The following CNTN2 variants were observed in gnomAD, a reference collection of about 807,000 sequenced individuals.
The protein encoded by CNTN2 is contactin-2.
In CNTN2, 53 loss-of-function variants were observed where a neutral mutation model predicts 117.5. The ratio of observed to expected loss-of-function variants is 0.45; its 90% CI spans 0.36 to 0.57. CNTN2 has a LOEUF of 0.57. CNTN2 is among the 20% of genes least tolerant of loss of function. CNTN2 has a pLI of 0.00. For missense variants in CNTN2, 1,106 were observed against 1,404.3 expected (o/e 0.79, Z 3.39); for synonymous variants, 530 against 561.7 (o/e 0.94, Z 0.80).
chr1:205,054,035 G>A (rs572395316), intron 2 of CNTN2, among the ~76,000 whole-genome samples: 3 of 152,326 alleles, frequency 2.0e-5, no homozygotes, highest in East Asian at 1.9e-4. Flanking sequence ...CAGAGGAGCC[G>A]GGCCGCTGGC....
intron 2 of CNTN2, among the ~76,000 whole-genome samples, chr1:205,055,842 A>C (rs2096460053): frequency 1.3e-5 from 2 of 152,208 alleles, no homozygotes; most frequent in South Asian, 2.1e-4. Context: ...GGTTATGAGA[A>C]GGAAATATGG....
Position 205,059,984 on chromosome 1 carries a change from A to G in CNTN2, c.797+302A>G, listed in dbSNP as rs189278982. On this transcript the variant is annotated intron_variant, in intron 7 of 22. Transcript: ENST00000331830. The surrounding 1 kb of genome is among the most constrained non-coding windows in gnomAD (Gnocchi z 5.6). ...CAGGCAGCACAGTGTACAGACTCCAACCCTGTCTGTCTCATTCAGATCCCA... is the reference window on the plus strand; with the variant it reads ...CAGGCAGCACAGTGTACAGACTCCAGCCCTGTCTGTCTCATTCAGATCCCA... The G allele has an allele frequency of 1.5e-4, 59 of 381,008 alleles. No individual in the cohort carries two copies. Among genetic ancestry groups the G allele is most frequent in the African/African-American group, 1.1e-3 (56 of 49,588 alleles). The allele number at this position is 381,008 out of a possible 1,614,324, so 23.6% of individuals were successfully genotyped here.
intron 2 of CNTN2, among the ~76,000 whole-genome samples, chr1:205,056,414 G>C (rs1300746017): frequency 6.6e-6 from 1 of 152,186 alleles, no homozygotes; most frequent in Non-Finnish European, 1.5e-5. Flanking sequence ...CTGAGGCCTG[G>C]GGCGGCAGTG....
chr1:205,054,282 G>A (rs1393216476), intron 2 of CNTN2, among the ~76,000 whole-genome samples: 1 of 152,184 alleles, frequency 6.6e-6, no homozygotes, highest in African/African-American at 2.4e-5. Context: ...TTTGTCTCAC[G>A]AGGGAGGGAC....
Position 205,064,611 on chromosome 1 carries a change from T to A in CNTN2, c.1392-12T>A, listed in dbSNP as rs575199834. On this transcript the variant is annotated splice_polypyrimidine_tract_variant and intron_variant, in intron 11 of 22. Transcript: ENST00000331830. Reference sequence around the variant, plus strand: ...GCCTGAGTTGGCCACATCTGCCTTGTCCTTGCCACAGAGTGACTGTAACTC... The same window carrying A: ...GCCTGAGTTGGCCACATCTGCCTTGACCTTGCCACAGAGTGACTGTAACTC... The A allele has an allele frequency of 7.4e-6, 12 of 1,613,842 alleles. No individual in the cohort carries two copies. The African/African-American group carries it at 1.5e-4, about 20-fold the overall frequency.
chr1:205,069,765 C>T, intron 17 of CNTN2, 62 bp from the exon 18 acceptor site: 1 of 1,553,548 alleles, frequency 6.4e-7, no homozygotes, highest in Non-Finnish European at 8.8e-7. Flanking sequence ...TTGGGTGGGG[C>T]CAGGGAACGG....
chr1:205,062,842 C>A (rs561880594), intron 10 of CNTN2: 62 of 240,400 alleles, frequency 2.6e-4, no homozygotes, highest in Non-Finnish European at 4.3e-4. Context: ...GAAACCAAAT[C>A]AATCAGATTT....
intron 2 of CNTN2, among the ~76,000 whole-genome samples, chr1:205,053,991 A>G (rs2096457073): frequency 2.0e-5 from 3 of 152,190 alleles, no homozygotes; most frequent in African/African-American, 7.2e-5. Flanking sequence ...GCCGAGAGCC[A>G]CAGGCCAGCT....
At position 205,061,524 on chromosome 1, in the gene CNTN2, G is replaced by A. The variant is rs1653982945; in HGVS notation, c.973+104G>A. On this transcript the variant is annotated intron_variant, in intron 8 of 22. Transcript: ENST00000331830. This position sits in a 1 kb window ranked among gnomAD's most constrained non-coding sequence, Gnocchi z 4.8. ...CAAAAGTCAGGGAGGAGACTGGGAG[G>A]CCCCCTGCATGAGCCTGCTTGCCCT... The A allele has an allele frequency of 3.0e-6, 4 of 1,339,224 alleles. No homozygotes were observed. Among genetic ancestry groups the A allele is most frequent in the East Asian group, 5.1e-5 (2 of 39,414 alleles). The allele number at this position is 1,339,224 out of a possible 1,614,324, so 83.0% of individuals were successfully genotyped here. A position where few individuals can be genotyped will look rare whatever the true frequency, so the allele number is the denominator to read the frequency against.
chr1:205,051,383 G>A (rs2096452639), intron 1 of CNTN2, among the ~76,000 whole-genome samples: 1 of 152,234 alleles, frequency 6.6e-6, no homozygotes, highest in African/African-American at 2.4e-5. Flanking sequence ...GGCCTTGCAG[G>A]AGAGACTGCC....
At chr1:205,054,882 G>C (rs900752653) in intron 2 of CNTN2, among the ~76,000 whole-genome samples, 3 of 152,162 alleles carry the variant, frequency 2.0e-5, no homozygotes, top group Non-Finnish European at 4.4e-5. Context: ...CAAGGTTTCT[G>C]ACGCCTGTGT....
intron 1 of CNTN2, among the ~76,000 whole-genome samples, chr1:205,050,031 G>T (rs2096449670): frequency 6.6e-6 from 1 of 152,044 alleles, no homozygotes; most frequent in Admixed American, 6.5e-5. Context: ...ACTCTGTAAA[G>T]TGCATGTTAC....
Position 205,053,106 on chromosome 1 carries a change from T to C in CNTN2, c.-80T>C. On this transcript the variant is annotated 5_prime_UTR_variant, in exon 2 of 23. Coordinates refer to ENST00000331830, the MANE Select transcript of CNTN2 (RefSeq NM_005076.5). ...TTTCTGTCTGCCTCCCCAGGTCCTTTCTCAGCCTCCAGCTGGGCTGTCCCC... is the reference window on the plus strand; with the variant it reads ...TTTCTGTCTGCCTCCCCAGGTCCTTCCTCAGCCTCCAGCTGGGCTGTCCCC... The C allele has an allele frequency of 1.8e-6, 2 of 1,137,474 alleles. No individual in the cohort carries two copies. Among genetic ancestry groups the C allele is most frequent in the East Asian group, 2.6e-5 (1 of 37,944 alleles). The allele number at this position is 1,137,474 out of a possible 1,614,324, so 70.5% of individuals were successfully genotyped here.
Position 205,073,303 on chromosome 1 carries a change from C to A in CNTN2, c.3013+67C>A. On this transcript the variant is annotated intron_variant, in intron 22 of 22. Coordinates refer to ENST00000331830, the MANE Select transcript of CNTN2 (RefSeq NM_005076.5). This position sits in a 1 kb window ranked among gnomAD's most constrained non-coding sequence, Gnocchi z 6.3. ...GATCCACCCAGATACCTGAGAGGAT[C>A]ATTCCCACCCAGGCCAACTCCAATC... The A allele has an allele frequency of 6.4e-7, 1 of 1,554,192 alleles. No individual in the cohort carries two copies. Among genetic ancestry groups the A allele is most frequent in the Non-Finnish European group, 8.8e-7 (1 of 1,139,586 alleles).
At chr1:205,053,030 A>C (rs1225205916) in intron 1 of CNTN2, 70 bp from the exon 2 acceptor site, 1 of 486,404 alleles carries the variant, frequency 2.1e-6, no homozygotes, top group Non-Finnish European at 3.7e-6. Context: ...AGCTTTACGG[A>C]CCCAGATGTG....
At position 205,069,808 on chromosome 1, in the gene CNTN2, C is replaced by G; in HGVS notation, c.2197-19C>G. The G allele has an allele frequency of 6.2e-7, 1 of 1,606,618 alleles. No homozygotes were observed. Among genetic ancestry groups the G allele is most frequent in the Non-Finnish European group, 8.5e-7 (1 of 1,173,922 alleles). ...CACATGCCGCGGACCCTCGCCCATG[C>G]CATGCTCTTGCCCCTCAGCCCATGT... On this transcript the variant is annotated intron_variant, in intron 17 of 22. Transcript: ENST00000331830.
In CNTN2 at chr1:205,076,532, T is replaced by C. The variant is rs1231437952; in HGVS notation, c.*2767T>C. 1 of 152,114 alleles carries C rather than the reference T, an allele frequency of 6.6e-6. No homozygotes were observed. The highest frequency in any genetic ancestry group is 1.5e-5 in the Non-Finnish European group (1 of 68,032). The allele number at this position is 152,114 out of a possible 1,614,324, so 9.4% of individuals were successfully genotyped here. A position where few individuals can be genotyped will look rare whatever the true frequency, so the allele number is the denominator to read the frequency against. ...CACAGTTCTGGGTTATCTCCTCTCA[T>C]ACATCAAGCCCCAGAGGAGGCGGCA... is the stretch of plus-strand genomic sequence containing the variant. On this transcript the variant is annotated 3_prime_UTR_variant, in exon 23 of 23. Transcript: ENST00000331830.
chr1:205,053,143 A>G lies in CNTN2; in HGVS notation c.-43A>G. 1 of 1,544,504 alleles carries G rather than the reference A, an allele frequency of 6.5e-7. No individual in the cohort carries two copies. Among genetic ancestry groups the G allele is most frequent in the Non-Finnish European group, 8.9e-7 (1 of 1,128,064 alleles). Reference sequence around the variant, plus strand: ...GCTGGGCTGTCCCCAAGCTGAGCTGAGGCTCTTCTCCTCCGATCCCCACCT... The same window carrying G: ...GCTGGGCTGTCCCCAAGCTGAGCTGGGGCTCTTCTCCTCCGATCCCCACCT... On this transcript the variant is annotated 5_prime_UTR_variant, in exon 2 of 23. Coordinates refer to ENST00000331830, the MANE Select transcript of CNTN2 (RefSeq NM_005076.5).
chr1:205,053,535 C>T (rs889150855), intron 2 of CNTN2, among the ~76,000 whole-genome samples: 44 of 151,948 alleles, frequency 2.9e-4, no homozygotes, highest in Admixed American at 2.4e-3. Context: ...GATGATGGCA[C>T]GCCAGATCTC....
Sources: gnomAD v4.1 joint callset for allele counts (sites outside exome capture counted in the v4.1 genomes callset) on GRCh38, gnomAD v4.1.1 for gene constraint, Gnocchi (gnomAD v3.1) non-coding constraint, MANE v1.5 for transcripts, NCBI Gene and HGNC (gene_info 2026-07-23, HGNC 2026-07-21) for gene names.